The following GPHN variants were observed in gnomAD, a reference collection of about 807,000 sequenced individuals.
GPHN encodes gephyrin.
A neutral mutation model predicts 95.5 loss-of-function variants in GPHN; 17 were observed. The observed-to-expected ratio is 0.18, with a 90% CI of 0.12 to 0.27. GPHN has a LOEUF of 0.27. Among genes scored for constraint, GPHN ranks in the 10% least tolerant of loss-of-function variants. The probability of loss-of-function intolerance (pLI) is 1.00; values close to 1 mark genes in which losing one functional copy is unlikely to be tolerated. For missense variants in GPHN, 660 were observed against 978.1 expected (o/e 0.67, Z 4.34); for synonymous variants, 320 against 322.5 (o/e 0.99, Z 0.08).
chr14:66,773,905 G>C (rs1326524170), intron 2 of GPHN, among the ~76,000 whole-genome samples: 1 of 147,726 alleles, frequency 6.8e-6, no homozygotes, highest in Non-Finnish European at 1.5e-5. Flanking sequence ...CAAACATAGA[G>C]TATTTTACTA....
At chr14:66,559,225 A>G (rs1271528872) in intron 1 of GPHN, among the ~76,000 whole-genome samples, 1 of 152,056 alleles carries the variant, frequency 6.6e-6, no homozygotes, top group Non-Finnish European at 1.5e-5. Context: ...TTATAGCAGC[A>G]TGATTTATAG....
chr14:66,768,537 C>A (rs138825811), intron 2 of GPHN, among the ~76,000 whole-genome samples: 29 of 152,008 alleles, frequency 1.9e-4, no homozygotes, highest in Non-Finnish European at 3.8e-4. Context: ...GAAAGCAGGA[C>A]TTTTTATGAT....
At chr14:67,605,194 C>T in the GPHN span, among the ~76,000 whole-genome samples, 1 of 152,164 alleles carries the variant, frequency 6.6e-6, no homozygotes, top group Non-Finnish European at 1.5e-5. Flanking sequence ...TGTTCCAATC[C>T]ATGAACCTGG....
At chr14:67,349,474 GTTCAA>G in the GPHN span, among the ~76,000 whole-genome samples, 1 of 152,166 alleles carries the variant, frequency 6.6e-6, no homozygotes, top group Non-Finnish European at 1.5e-5. Context: ...TTAAGCTGGC[GTTCAA>G]TTCCTTTACC....
chr14:67,439,593 C>CTTTTCTTTTTCTTTCTTTCCTACT, the GPHN span, among the ~76,000 whole-genome samples: 1 of 109,764 alleles, frequency 9.1e-6, no homozygotes, highest in African/African-American at 3.4e-5. Context: ...TTCTTTCTTT[C>CTTTTCTTTTTCTTTCTTTCCTACT]TTCTTTCTTT....
At chr14:67,371,445 CG>C in the GPHN span, among the ~76,000 whole-genome samples, 8 of 151,736 alleles carry the variant, frequency 5.3e-5, no homozygotes, top group African/African-American at 1.9e-4. Flanking sequence ...GTTAAGGAGG[CG>C]GGAACACTTT....
chr14:67,655,510 C>T, the GPHN span, among the ~76,000 whole-genome samples: 1 of 151,768 alleles, frequency 6.6e-6, no homozygotes, highest in Non-Finnish European at 1.5e-5. Flanking sequence ...AATCCTTAGA[C>T]ATTTTTTTCC....
At chr14:66,865,258 C>CTG (rs113497057) in intron 4 of GPHN, among the ~76,000 whole-genome samples, 1,534 of 152,006 alleles carry the variant, frequency 0.01, 29 homozygotes, top group African/African-American at 0.035. Context: ...ATTGGATTGA[C>CTG]TAACACAAAG....
the GPHN span, among the ~76,000 whole-genome samples, chr14:67,288,212 T>A: frequency 6.6e-6 from 1 of 152,152 alleles, no homozygotes. Context: ...CCCAAGTAGC[T>A]GGCACTTTAG....
intron 5 of GPHN, among the ~76,000 whole-genome samples, chr14:66,887,719 C>T (rs974567661): frequency 6.6e-6 from 1 of 152,054 alleles, no homozygotes; most frequent in Non-Finnish European, 1.5e-5. Context: ...AATTACAAGG[C>T]ATATCAAATG....
intron 12 of GPHN, among the ~76,000 whole-genome samples, chr14:67,096,717 C>T (rs531526821): frequency 9.1e-6 from 1 of 109,452 alleles, no homozygotes; most frequent in African/African-American, 3.6e-5. Context: ...CCACCCCCCA[C>T]CCGGTTCTCA....
At chr14:66,950,639 A>T (rs1458464097) in intron 8 of GPHN, among the ~76,000 whole-genome samples, 1 of 152,136 alleles carries the variant, frequency 6.6e-6, no homozygotes, top group Non-Finnish European at 1.5e-5. Flanking sequence ...GTTGTTGAGT[A>T]TGTTGGCCAC....
chr14:67,504,908 AAAAC>A, the GPHN span, among the ~76,000 whole-genome samples: 1 of 15,836 alleles, frequency 6.3e-5, no homozygotes, highest in Non-Finnish European at 4.8e-4. Context: ...AACAAAAACA[AAAAC>A]AAAAACACAA....
At chr14:67,427,906 A>G in the GPHN span, among the ~76,000 whole-genome samples, 67 of 147,846 alleles carry the variant, frequency 4.5e-4, no homozygotes, top group Admixed American at 1.4e-3. Flanking sequence ...AGGATGTTTT[A>G]CAGGAGCTCG....
intron 3 of GPHN, among the ~76,000 whole-genome samples, chr14:66,818,659 G>A (rs1015823895): frequency 2.6e-5 from 4 of 152,022 alleles, no homozygotes; most frequent in African/African-American, 9.7e-5. Context: ...CTGTCTGTAG[G>A]TCTTTGAGGA....
chr14:66,744,856 ATT>A (rs59944022), intron 2 of GPHN, among the ~76,000 whole-genome samples: 2 of 151,444 alleles, frequency 1.3e-5, no homozygotes, highest in African/African-American at 4.9e-5. Flanking sequence ...TAGCAATGCA[ATT>A]TTTTTTTATT....
chr14:66,718,565 C>T (rs1226368521), intron 2 of GPHN, among the ~76,000 whole-genome samples: 1 of 152,096 alleles, frequency 6.6e-6, no homozygotes, highest in East Asian at 1.9e-4. Flanking sequence ...GCTTTTATTC[C>T]CTTAGTTGGC....
the GPHN span, chr14:67,660,056 C>G: frequency 7.7e-6 from 7 of 910,452 alleles, no homozygotes; most frequent in South Asian, 1.3e-4. Flanking sequence ...CTCCATGAGG[C>G]AGGGACCATG....
chr14:66,916,959 G>T (rs780163069), intron 6 of GPHN, among the ~76,000 whole-genome samples: 2 of 152,166 alleles, frequency 1.3e-5, no homozygotes, highest in Non-Finnish European at 2.9e-5. Context: ...CTAAGATTTG[G>T]CCAAGGCAGT....
Sources: allele counts gnomAD v4.1 joint callset (sites outside exome capture counted in the v4.1 genomes callset), GRCh38; gene constraint gnomAD v4.1.1; transcripts MANE v1.5; gene names NCBI Gene and HGNC (gene_info 2026-07-23, HGNC 2026-07-21).